L1CAM: variants seen among roughly 807,000 people sequenced by gnomAD.
The protein encoded by L1CAM is L1 cell adhesion molecule, also known as neural cell adhesion molecule L1.
Under a neutral mutation model 93.0 loss-of-function variants are expected in L1CAM, and 8 were observed. That is an observed-to-expected ratio of 0.09 (90% confidence interval 0.05 to 0.16). L1CAM has a LOEUF of 0.16. Ranked by LOEUF, L1CAM falls within the 10% of genes least tolerant of loss-of-function variation. The pLI is 1.00. For missense variants in L1CAM, 777 were observed against 1,073.4 expected (o/e 0.72, Z 3.86); for synonymous variants, 453 against 453.0 (o/e 1.00, Z 0.00).
chrX:153,881,470 A>G (rs1465562116), intron 1 of L1CAM, among the ~76,000 whole-genome samples: 1 of 111,384 alleles, frequency 9.0e-6, no homozygotes, highest in Non-Finnish European at 1.9e-5. Context: ...ATGGCAGGCA[A>G]ATGTCGGGGG....
chrX:153,873,585 C>T (rs2064791328), intron 2 of L1CAM, among the ~76,000 whole-genome samples: 1 of 112,442 alleles, frequency 8.9e-6, no homozygotes, highest in African/African-American at 3.2e-5. Context: ...GTCCTTGCAG[C>T]CCCCTGGCAG....
Position 153,864,933 on chromosome X carries a change from G to T in L1CAM, c.2934C>A (p.His978Gln). The change falls in exon 23 of 29, where the codon CAC becomes CAA. Residue 978 changes from histidine to glutamine, a missense_variant. Coordinates refer to ENST00000370060, the MANE Select transcript of L1CAM (RefSeq NM_001278116.2). ...FNLRDPELRT[H>Q]NLTDLSPHLR... ...GGTGGGGGCTGAGATCGGTCAGGTT[G>T]TGTGTCCGAAGTTCGGGGTCCCGAA... The T allele has an allele frequency of 8.2e-7, 1 of 1,212,300 alleles. No homozygotes were observed. Among genetic ancestry groups the T allele is most frequent in the South Asian group, 1.8e-5 (1 of 57,025 alleles).
At position 153,870,315 on chromosome X, in the gene L1CAM, C is replaced by T. The variant is rs1033868452; in HGVS notation, c.806+73G>A. On this transcript the variant is annotated intron_variant, in intron 8 of 28. Transcript: ENST00000370060. ...AATCACCCCAGCCCCCTATACCCCGCGGTGGTCTGAGCTCCCTGCTAGGGC... is the reference window on the plus strand; with the variant it reads ...AATCACCCCAGCCCCCTATACCCCGTGGTGGTCTGAGCTCCCTGCTAGGGC... The T allele has an allele frequency of 4.2e-6, 5 of 1,177,473 alleles. No individual in the cohort carries two copies. The South Asian group carries it at 5.3e-5, about 13-fold the overall frequency.
In L1CAM at chrX:153,863,899, C is replaced by T. The variant is rs199661695; in HGVS notation, c.3441G>A (p.Lys1147=). 1.5e-4 allele frequency: 187 copies of T among 1,211,105 alleles called. 1 individual carries two copies. The South Asian group carries it at 3.2e-3, about 21-fold the overall frequency. ...AGAGGCTACCTGAGTATTTGCCGCC[C>T]TTGCTGCGCTTGATGAAGCAGAGGA... is the stretch of plus-strand genomic sequence containing the variant. ...LLILCFIKRS[K]GGKYSVKDKE... Residue 1147 remains lysine, a synonymous_variant, in exon 26 of 29, where the codon AAG becomes AAA. Coordinates refer to ENST00000370060, the MANE Select transcript of L1CAM (RefSeq NM_001278116.2).
intron 18 of L1CAM, 62 bp downstream of exon 18, chrX:153,866,992 A>G: frequency 8.9e-7 from 1 of 1,121,567 alleles, no homozygotes; most frequent in Non-Finnish European, 1.2e-6. Context: ...GCCAAGGGGG[A>G]GCAACAGACA....
chrX:153,869,039 G>A (rs1237105721), intron 11 of L1CAM, 87 bp from the exon 12 acceptor site: 5 of 754,853 alleles, frequency 6.6e-6, no homozygotes, highest in African/African-American at 6.2e-5. Context: ...CGGCTTCCTC[G>A]GGCCCCCAAG....
At chrX:153,886,044 G>T in intron 1 of L1CAM, 21 bp downstream of exon 1, 2 of 420,808 alleles carry the variant, frequency 4.8e-6, no homozygotes, top group Non-Finnish European at 6.0e-6. Flanking sequence ...CGGGTCGCAC[G>T]GGGAGGCCAG....
At chrX:153,872,745 T>C in intron 3 of L1CAM, 48 bp from the exon 4 acceptor site, 1 of 1,017,484 alleles carries the variant, frequency 9.8e-7, no homozygotes, top group East Asian at 3.0e-5. Context: ...GCCTGGCTGG[T>C]GTCATAGCCT....
intron 1 of L1CAM, chrX:153,884,458 A>G (rs1354390464): frequency 8.2e-6 from 2 of 243,824 alleles, no homozygotes; most frequent in Admixed American, 5.3e-5. Context: ...TGATCAGATC[A>G]CTAGCGATTC....
chrX:153,880,262 TCAC>T (rs1280766907), intron 1 of L1CAM: 29 of 139,860 alleles, frequency 2.1e-4, no homozygotes, highest in Non-Finnish European at 3.2e-4. Context: ...ACACACCCCA[TCAC>T]CACCACCACC....
intron 11 of L1CAM, chrX:153,869,250 G>A (rs1475976457): frequency 4.4e-6 from 2 of 452,111 alleles, no homozygotes; most frequent in African/African-American, 4.8e-5. Flanking sequence ...TGAAGTTCCA[G>A]GAGAGGTGCC....
intron 2 of L1CAM, 145 bp from the exon 3 acceptor site, chrX:153,873,387 TG>T: frequency 3.2e-6 from 2 of 616,531 alleles, no homozygotes; most frequent in Non-Finnish European, 5.5e-6. Flanking sequence ...GCCCTGGCAG[TG>T]GCAACAAGGG....
Position 153,875,880 on chromosome X carries a change from C to G in L1CAM, c.-44G>C. 1 of 1,160,581 alleles carries G rather than the reference C, an allele frequency of 8.6e-7. No individual in the cohort carries two copies. Among genetic ancestry groups the G allele is most frequent in the Non-Finnish European group, 1.2e-6 (1 of 858,596 alleles). On this transcript the variant is annotated 5_prime_UTR_variant, in exon 2 of 29. Transcript: ENST00000370060. ...GCAGCACAGCCAGCCGGGCTCGGTT[C>G]AGGCTCCGGCCGGAGGGGAAGGGGG...
chrX:153,870,234 C>G lies in L1CAM; in HGVS notation c.813G>C (p.Thr271=), dbSNP rs201381558. Reference sequence around the variant, plus strand: ...TGGGGCGCAGCCATTTGATGGTGGGCGTGGGACTGCCCGGGAGGCAAAGGG... The same window carrying G: ...TGGGGCGCAGCCATTTGATGGTGGGGGTGGGACTGCCCGGGAGGCAAAGGG... ...VLECIAEGFP[T]PTIKWLRPSG... is the part of the protein sequence containing the mutation. Residue 271 remains threonine (T), a synonymous_variant, in exon 9 of 29, where the codon ACG becomes ACC. Coordinates refer to ENST00000370060, the MANE Select transcript of L1CAM (RefSeq NM_001278116.2). 8.3e-7 allele frequency: 1 copy of G among 1,210,365 alleles called. No homozygotes were observed. Among genetic ancestry groups the G allele is most frequent in the Non-Finnish European group, 1.1e-6 (1 of 894,677 alleles).
Position 153,862,632 on chromosome X carries a change from A to AGGGG in L1CAM, c.*27_*30dup. 6.2e-6 allele frequency: 7 copies of AGGGG among 1,128,707 alleles called. No homozygotes were observed. The highest frequency in any genetic ancestry group is 8.5e-6 in the Non-Finnish European group (7 of 826,555). 93.0% of individuals were successfully genotyped at this position (1,128,707 alleles called of 1,213,427 possible). On this transcript the variant is annotated 3_prime_UTR_variant, in exon 29 of 29. Coordinates refer to ENST00000370060, the MANE Select transcript of L1CAM (RefSeq NM_001278116.2). ...AGGGAGGGGCCTGGATCCCAAGGCCAGGGGCACAGCATCTCCTGTCCTGGA... is the reference window on the plus strand; with the variant it reads ...AGGGAGGGGCCTGGATCCCAAGGCCAGGGGGGGGCACAGCATCTCCTGTCCTGGA...
intron 1 of L1CAM, among the ~76,000 whole-genome samples, chrX:153,878,001 C>T (rs1372500347): frequency 8.9e-6 from 1 of 112,243 alleles, no homozygotes; most frequent in African/African-American, 3.2e-5. Context: ...AGAGGGGGCT[C>T]CTCTGACAAT....
At chrX:153,872,387 C>T (rs782066839) in intron 4 of L1CAM, 33 bp from the exon 5 acceptor site, 3 of 1,171,106 alleles carry the variant, frequency 2.6e-6, no homozygotes, top group Non-Finnish European at 3.5e-6. Flanking sequence ...AGGCCTGAGG[C>T]CCTGGAACCC....
In L1CAM at chrX:153,866,047, G is replaced by T. The variant is rs2064709632; in HGVS notation, c.2432-228C>A. 1.5e-5 allele frequency: 6 copies of T among 402,261 alleles called. No homozygotes were observed. The South Asian group carries it at 2.2e-4, about 15-fold the overall frequency. The allele number at this position is 402,261 out of a possible 1,213,427, so 33.2% of individuals were successfully genotyped here. A position where few individuals can be genotyped will look rare whatever the true frequency, so the allele number is the denominator to read the frequency against. ...GGAGAAACCATGGCTGGGCGTGATG[G>T]TTCACACCCGTATTCCCAACACTTT... is the stretch of plus-strand genomic sequence containing the variant. On this transcript the variant is annotated intron_variant, in intron 19 of 28. Transcript: ENST00000370060.
intron 1 of L1CAM, chrX:153,884,337 T>C: frequency 1.2e-6 from 1 of 809,143 alleles, no homozygotes; most frequent in South Asian, 2.4e-5. Flanking sequence ...CTGATTGTCC[T>C]CCTGATGCTC....
Sources: gnomAD v4.1 joint callset for allele counts (sites outside exome capture counted in the v4.1 genomes callset) on GRCh38, gnomAD v4.1.1 for gene constraint, MANE v1.5 for transcripts, NCBI Gene and HGNC (gene_info 2026-07-23, HGNC 2026-07-21) for gene names.